The following ZNF804B variants were observed in gnomAD, a reference collection of about 807,000 sequenced individuals.
ZNF804B encodes the protein zinc finger protein 804B, also known as zinc finger 804B.
In ZNF804B, 80 loss-of-function variants were observed where a neutral mutation model predicts 101.4. The observed-to-expected ratio is 0.79, with a 90% CI of 0.66 to 0.95. The LOEUF is 0.95. Among genes scored for constraint, ZNF804B ranks in the 40% least tolerant of loss-of-function variants. The pLI is 0.00. For missense variants in ZNF804B, 1,673 were observed against 1,561.9 expected (o/e 1.07, Z -1.20); for synonymous variants, 622 against 558.8 (o/e 1.11, Z -1.59).
intron 1 of ZNF804B, among the ~76,000 whole-genome samples, chr7:89,007,580 A>G (rs1368153473): frequency 1.1e-5 from 1 of 94,318 alleles, no homozygotes; most frequent in Non-Finnish European, 2.1e-5. Flanking sequence ...TATATATAAT[A>G]TATATTTATA....
At position 89,061,232 on chromosome 7, in the gene ZNF804B, A is replaced by G. The variant is rs985688544; in HGVS notation, c.109-156923A>G. Among the ~76,000 whole-genome samples, 13 of 152,218 alleles carry G rather than the reference A, an allele frequency of 8.5e-5. No homozygotes were observed. The East Asian group carries it at 2.3e-3, about 27-fold the overall frequency. On this transcript the variant is annotated intron_variant, in intron 1 of 3. Coordinates refer to ENST00000333190, the MANE Select transcript of ZNF804B (RefSeq NM_181646.5). Reference sequence around the variant, plus strand: ...TGTTGTGTTTGCATATTATTCTCAAATATCTCCCTTTAAAAATGTAAATAT... The same window carrying G: ...TGTTGTGTTTGCATATTATTCTCAAGTATCTCCCTTTAAAAATGTAAATAT...
At chr7:89,267,406 C>T (rs1285269272) in intron 2 of ZNF804B, among the ~76,000 whole-genome samples, 1 of 152,148 alleles carries the variant, frequency 6.6e-6, no homozygotes, top group Non-Finnish European at 1.5e-5. Flanking sequence ...TATTGGTTCA[C>T]AAATTTGAAA....
At chr7:89,204,000 C>T (rs2115658044) in intron 1 of ZNF804B, among the ~76,000 whole-genome samples, 1 of 152,186 alleles carries the variant, frequency 6.6e-6, no homozygotes, top group East Asian at 1.9e-4. Context: ...GCAATCAATT[C>T]CCAAGGAAAG....
At chr7:89,185,487 CAGTT>C (rs71796144) in intron 1 of ZNF804B, among the ~76,000 whole-genome samples, 27,606 of 151,908 alleles carry the variant, frequency 0.18, 2,534 homozygotes, top group Admixed American at 0.23. Context: ...ATTTATAAAA[CAGTT>C]AGTCCAGTAA....
rs956132259 is a variant in ZNF804B at position 89,336,875 on chromosome 7, C to G, written c.3893C>G (p.Pro1298Arg). ...GCATTTATTCCTACATTGTTTGGTC[C>G]TCACTTAAATCCAGCCACAACTTCT... ...PTAFIPTLFG[P>R]HLNPATTSII... The change falls in exon 4 of 4, where the codon CCT becomes CGT. Residue 1298 changes from proline (P) to arginine (R), a missense_variant. Transcript: ENST00000333190. 1 of 1,614,052 alleles carries G rather than the reference C, an allele frequency of 6.2e-7. No individual in the cohort carries two copies. Among genetic ancestry groups the G allele is most frequent in the Non-Finnish European group, 8.5e-7 (1 of 1,179,990 alleles).
intron 1 of ZNF804B, among the ~76,000 whole-genome samples, chr7:88,822,237 T>C (rs907892063): frequency 1.3e-5 from 2 of 152,130 alleles, no homozygotes; most frequent in South Asian, 4.1e-4. Context: ...GTATGAAGAA[T>C]TTTTTTAAGT....
chr7:88,932,425 C>CA (rs369022567), intron 1 of ZNF804B, among the ~76,000 whole-genome samples: 36 of 150,438 alleles, frequency 2.4e-4, no homozygotes, highest in Admixed American at 6.0e-4. Context: ...GAAATTGAAA[C>CA]AAAAAAAATA....
intron 2 of ZNF804B, among the ~76,000 whole-genome samples, chr7:89,233,954 C>A (rs1045418168): frequency 1.3e-5 from 2 of 152,190 alleles, no homozygotes; most frequent in African/African-American, 4.8e-5. Context: ...TTTGTGTCTA[C>A]TCCAGTGCAT....
intron 1 of ZNF804B, among the ~76,000 whole-genome samples, chr7:88,912,300 A>G (rs1792560175): frequency 6.6e-6 from 1 of 152,044 alleles, no homozygotes; most frequent in Non-Finnish European, 1.5e-5. Context: ...GGAGTTTATT[A>G]TATAATCTGG....
chr7:89,156,057 T>A, intron 1 of ZNF804B, among the ~76,000 whole-genome samples: 1 of 82,196 alleles, frequency 1.2e-5, no homozygotes, highest in Admixed American at 1.1e-4. Flanking sequence ...TCTTTCTTTC[T>A]TTCTTTCTTT....
rs907264160 is a variant in ZNF804B, at chr7:89,337,630, T to C, written c.*598T>C. On this transcript the variant is annotated 3_prime_UTR_variant, in exon 4 of 4. Coordinates refer to ENST00000333190, the MANE Select transcript of ZNF804B (RefSeq NM_181646.5). ...AAACAATCTTTATAGATTATACTTT[T>C]GAGTTTCTGTGAAAAATAAATTATC... Among the ~76,000 whole-genome samples, 15 of 152,160 alleles carry C rather than the reference T, an allele frequency of 9.9e-5. No individual in the cohort carries two copies. Among genetic ancestry groups the C allele is most frequent in the African/African-American group, 3.6e-4 (15 of 41,474 alleles).
intron 1 of ZNF804B, among the ~76,000 whole-genome samples, chr7:89,016,386 G>T (rs1370018102): frequency 6.7e-6 from 1 of 149,974 alleles, no homozygotes; most frequent in East Asian, 2.0e-4. Flanking sequence ...CATTGCTTTT[G>T]GTGTTTTAGA....
At chr7:88,780,909 CTTATT>C (rs1790216891) in intron 1 of ZNF804B, among the ~76,000 whole-genome samples, 2 of 152,056 alleles carry the variant, frequency 1.3e-5, no homozygotes, top group African/African-American at 4.8e-5. Flanking sequence ...TGCACTTTTA[CTTATT>C]TTATAATGTA....
intron 1 of ZNF804B, among the ~76,000 whole-genome samples, chr7:88,874,368 G>T (rs1009742483): frequency 2.6e-5 from 4 of 151,092 alleles, no homozygotes; most frequent in Non-Finnish European, 4.4e-5. Flanking sequence ...AGGAGATTTT[G>T]GGCTGAGACA....
At chr7:88,777,379 G>A (rs1225690321) in intron 1 of ZNF804B, among the ~76,000 whole-genome samples, 1 of 152,138 alleles carries the variant, frequency 6.6e-6, no homozygotes. Flanking sequence ...CTTTCCTTTG[G>A]AAGACCCAAC....
At chr7:89,178,553 C>T (rs930405688) in intron 1 of ZNF804B, among the ~76,000 whole-genome samples, 10 of 152,180 alleles carry the variant, frequency 6.6e-5, no homozygotes, top group Admixed American at 5.2e-4. Context: ...CTAATAAAAA[C>T]TCTACACTTT....
At chr7:89,189,948 T>C (rs2079084) in intron 1 of ZNF804B, among the ~76,000 whole-genome samples, 19,093 of 152,084 alleles carry the variant, frequency 0.13, 2,347 homozygotes, top group East Asian at 0.66. Context: ...GAAAGGTAAA[T>C]TGAACACCTT....
intron 1 of ZNF804B, among the ~76,000 whole-genome samples, chr7:89,016,518 G>A (rs1788562179): frequency 6.6e-6 from 1 of 150,876 alleles, no homozygotes; most frequent in African/African-American, 2.5e-5. Context: ...TTTTATATAA[G>A]GTGTAAGGAA....
At chr7:88,859,687 A>G (rs577904419) in intron 1 of ZNF804B, among the ~76,000 whole-genome samples, 1 of 152,050 alleles carries the variant, frequency 6.6e-6, no homozygotes, top group South Asian at 2.1e-4. Flanking sequence ...TTCCATAGCA[A>G]TTATGTGCAG....
Sources: gnomAD v4.1 joint callset for allele counts (sites outside exome capture counted in the v4.1 genomes callset) on GRCh38, gnomAD v4.1.1 for gene constraint, MANE v1.5 for transcripts, NCBI Gene and HGNC (gene_info 2026-07-23, HGNC 2026-07-21) for gene names.